ZNF92: variants seen among roughly 807,000 people sequenced by gnomAD.
ZNF92 encodes the protein zinc finger protein 92.
Under a neutral mutation model 12.4 loss-of-function variants are expected in ZNF92, and 11 were observed. The ratio of observed to expected loss-of-function variants is 0.89; its 90% CI spans 0.56 to 1.47. ZNF92 has a LOEUF of 1.47. Ranked by LOEUF, ZNF92 falls within the 40% of genes most tolerant of loss-of-function variation. The probability of loss-of-function intolerance (pLI) is 0.00; values close to 1 mark genes in which losing one functional copy is unlikely to be tolerated. For synonymous variants in ZNF92, 206 were observed against 228.6 expected (o/e 0.90, Z 0.89); for missense variants, 622 against 681.0 (o/e 0.91, Z 0.96).
rs1487316668 is a variant in ZNF92 at position 65,400,520 on chromosome 7, A to G, written c.*645A>G. On this transcript the variant is annotated 3_prime_UTR_variant, in exon 4 of 4. Coordinates refer to ENST00000328747, the MANE Select transcript of ZNF92 (RefSeq NM_152626.4). ...TTAATCCCAAATTAAGTCTATGTAA[A>G]TATCAGAATTCACAGTAGAAATCAT... 6.6e-6 allele frequency: 1 copy of G among 152,102 alleles called. No individual in the cohort carries two copies. Among genetic ancestry groups the G allele is most frequent in the African/African-American group, 2.4e-5 (1 of 41,446 alleles). The allele number at this position is 152,102 out of a possible 1,614,324, so 9.4% of individuals were successfully genotyped here. A position where few individuals can be genotyped will look rare whatever the true frequency, so the allele number is the denominator to read the frequency against.
At chr7:65,374,044 G>A in intron 1 of ZNF92, 44 bp downstream of exon 1, 1 of 1,613,680 alleles carries the variant, frequency 6.2e-7, no homozygotes, top group Non-Finnish European at 8.5e-7. Flanking sequence ...GGGAGGGTCT[G>A]GCTGGAACCG....
chr7:65,376,335 C>T (rs542696942), intron 1 of ZNF92, among the ~76,000 whole-genome samples: 1 of 152,216 alleles, frequency 6.6e-6, no homozygotes, highest in East Asian at 1.9e-4. Context: ...TTACAAAGGG[C>T]ATAAAAGAGG....
chr7:65,379,854 C>T (rs1435215165), intron 1 of ZNF92, among the ~76,000 whole-genome samples: 1 of 152,110 alleles, frequency 6.6e-6, no homozygotes, highest in Non-Finnish European at 1.5e-5. Context: ...TGCACTCTCC[C>T]CCACCCATGG....
chr7:65,374,070 G>A (rs1475982267), intron 1 of ZNF92, 70 bp downstream of exon 1: 20 of 1,606,486 alleles, frequency 1.2e-5, no homozygotes, highest in Non-Finnish European at 3.4e-6. Flanking sequence ...AAGTGGCTGT[G>A]GCGGGCCTCG....
chr7:65,384,767 T>C (rs1793517812), intron 1 of ZNF92, among the ~76,000 whole-genome samples: 1 of 152,108 alleles, frequency 6.6e-6, no homozygotes, highest in Admixed American at 6.6e-5. Flanking sequence ...ATATAAATGC[T>C]GGGCCCTTTT....
chr7:65,388,115 T>C, intron 2 of ZNF92, 87 bp downstream of exon 2: 1 of 1,391,932 alleles, frequency 7.2e-7, no homozygotes, highest in Non-Finnish European at 9.7e-7. Flanking sequence ...ATTTATGCTT[T>C]GCATAAATGA....
At chr7:65,389,513 A>G (rs1793656196) in intron 3 of ZNF92, among the ~76,000 whole-genome samples, 2 of 151,912 alleles carry the variant, frequency 1.3e-5, no homozygotes, top group Admixed American at 1.3e-4. Flanking sequence ...ACTCTGTTAA[A>G]CTACTTTTCT....
rs1165191202 is a variant in ZNF92, at chr7:65,388,656, A to G, written c.131-150A>G. 4 of 627,038 alleles carry G rather than the reference A, an allele frequency of 6.4e-6. No homozygotes were observed. In the African/African-American group the frequency reaches 8.1e-5, roughly 13 times the overall value. 38.8% of individuals were successfully genotyped at this position (627,038 alleles called of 1,614,324 possible). ...CTGTCTTTAAAAAAAAAAATCTACA[A>G]ATTTAAAATATTTAGATATTTGTCA... is the stretch of plus-strand genomic sequence containing the variant. On this transcript the variant is annotated intron_variant, in intron 2 of 3. Coordinates refer to ENST00000328747, the MANE Select transcript of ZNF92 (RefSeq NM_152626.4).
intron 1 of ZNF92, among the ~76,000 whole-genome samples, chr7:65,379,070 G>A (rs1793332005): frequency 6.6e-6 from 1 of 151,690 alleles, no homozygotes; most frequent in Non-Finnish European, 1.5e-5. Flanking sequence ...CATAACTACA[G>A]TGTTTTGCTG....
rs1360963690 is a variant in ZNF92, at chr7:65,399,301, C to G, written c.1187C>G (p.Pro396Arg). 1.2e-6 allele frequency: 2 copies of G among 1,612,922 alleles called. No individual in the cohort carries two copies. The highest frequency in any genetic ancestry group is 1.7e-6 in the Non-Finnish European group (2 of 1,179,502). Residue 396 changes from proline (P) to arginine (R), a missense_variant, in exon 4 of 4, where the codon CCC (proline) becomes CGC (arginine). Coordinates refer to ENST00000328747, the MANE Select transcript of ZNF92 (RefSeq NM_152626.4). ...KHKRIHTGEK[P>R]YKCEECGKAF... ...AAAAGAATTCATACGGGAGAAAAAC[C>G]CTACAAATGTGAAGAATGTGGCAAA...
At chr7:65,392,881 C>T (rs918935778) in intron 3 of ZNF92, among the ~76,000 whole-genome samples, 5 of 151,932 alleles carry the variant, frequency 3.3e-5, no homozygotes, top group African/African-American at 1.2e-4. Context: ...TGTGGAGACC[C>T]TCTCTCTACA....
intron 1 of ZNF92, among the ~76,000 whole-genome samples, chr7:65,380,973 C>T (rs992944936): frequency 6.6e-6 from 1 of 151,876 alleles, no homozygotes; most frequent in Admixed American, 6.6e-5. Context: ...GTGATGAGCA[C>T]TTTTTTAATA....
intron 1 of ZNF92, among the ~76,000 whole-genome samples, chr7:65,387,184 C>T (rs192356127): frequency 7.5e-4 from 114 of 151,850 alleles, no homozygotes; most frequent in African/African-American, 2.2e-3. Context: ...TCAGGTGATC[C>T]GCCCACCGCA....
intron 1 of ZNF92, among the ~76,000 whole-genome samples, chr7:65,374,208 C>T (rs1281813847): frequency 2.0e-5 from 3 of 152,106 alleles, no homozygotes; most frequent in African/African-American, 4.8e-5. Flanking sequence ...CCTGTCTCCT[C>T]CCTGCGCAGT....
chr7:65,374,941 G>A lies in ZNF92; in HGVS notation c.3+941G>A, dbSNP rs117817618. Among the ~76,000 whole-genome samples, 1,384 of 152,068 alleles carry A rather than the reference G, an allele frequency of 9.1e-3. 11 individuals are homozygous for A. The highest frequency in any genetic ancestry group is 0.024 in the Middle Eastern group (7 of 294). ...CCAGTTCCTTCTGACATTCCCAAAT[G>A]CCAACTTACCCTCCCTAATTCGCAT... On this transcript the variant is annotated intron_variant, in intron 1 of 3. Coordinates refer to ENST00000328747, the MANE Select transcript of ZNF92 (RefSeq NM_152626.4).
chr7:65,387,890 TG>T lies in ZNF92; in HGVS notation c.4-11del. 1.3e-6 allele frequency: 2 copies of T among 1,595,354 alleles called. No homozygotes were observed. The highest frequency in any genetic ancestry group is 1.4e-5 in the African/African-American group (1 of 74,046). On this transcript the variant is annotated splice_polypyrimidine_tract_variant and intron_variant, in intron 1 of 3. Coordinates refer to ENST00000328747, the MANE Select transcript of ZNF92 (RefSeq NM_152626.4). ...ACATATGTGTGTTTGTGTGTGTGTGTGTGTTTTTCAGGGACCACTGACATTT... is the reference window on the plus strand; with the variant it reads ...ACATATGTGTGTTTGTGTGTGTGTGTTGTTTTTCAGGGACCACTGACATTT...
At position 65,384,598 on chromosome 7, in the gene ZNF92, T is replaced by G. The variant is rs553445830; in HGVS notation, c.4-3304T>G. On this transcript the variant is annotated intron_variant, in intron 1 of 3. Coordinates refer to ENST00000328747, the MANE Select transcript of ZNF92 (RefSeq NM_152626.4). ...TGCCATTTAGCAACTTATTCCTTATTCTATTCCTGAAGACCCAGTAGTTGC... is the reference window on the plus strand; with the variant it reads ...TGCCATTTAGCAACTTATTCCTTATGCTATTCCTGAAGACCCAGTAGTTGC... 6.6e-5 allele frequency among the ~76,000 whole-genome samples: 10 copies of G among 152,260 alleles called. No individual in the cohort carries two copies. In the South Asian group the frequency reaches 2.1e-3, roughly 32 times the overall value.
intron 1 of ZNF92, among the ~76,000 whole-genome samples, chr7:65,384,256 A>G (rs1793503507): frequency 6.6e-6 from 1 of 152,152 alleles, no homozygotes; most frequent in African/African-American, 2.4e-5. Flanking sequence ...AGTTTCTCTT[A>G]GGTAAGCTTA....
chr7:65,390,951 C>G (rs972798426), intron 3 of ZNF92, among the ~76,000 whole-genome samples: 5 of 152,084 alleles, frequency 3.3e-5, no homozygotes, highest in South Asian at 2.1e-4. Context: ...AGAGTAAGTT[C>G]AGAATTCTCA....
Sources: allele counts gnomAD v4.1 joint callset (sites outside exome capture counted in the v4.1 genomes callset), GRCh38; gene constraint gnomAD v4.1.1; transcripts MANE v1.5; gene names NCBI Gene and HGNC (gene_info 2026-07-23, HGNC 2026-07-21).